Variants in CLEC16A observed in about 807,000 individuals in gnomAD.
CLEC16A encodes the protein C-type lectin domain containing 16A, also known as protein CLEC16A.
CLEC16A carries 51 observed loss-of-function variants against 109.5 expected under a neutral mutation model. The observed-to-expected ratio is 0.47, with a 90% CI of 0.37 to 0.59. The LOEUF (loss-of-function observed/expected upper bound fraction) is 0.59. Among genes scored for constraint, CLEC16A ranks in the 20% least tolerant of loss-of-function variants. The pLI is 0.00. For missense variants in CLEC16A, 1,339 were observed against 1,394.0 expected, an observed-to-expected ratio of 0.96 and a Z score of 0.63; for synonymous variants, 673 against 564.2, an observed-to-expected ratio of 1.19 and a Z score of -2.73.
At chr16:11,080,374 C>T (rs1018524077) in intron 19 of CLEC16A, among the ~76,000 whole-genome samples, 33 of 152,186 alleles carry the variant, frequency 2.2e-4, no homozygotes, top group Non-Finnish European at 3.5e-4. Flanking sequence ...TGCTTCTGGG[C>T]GTCCGAGCCT....
rs529799568 is a variant in CLEC16A, at chr16:11,047,123, A to C, written c.1816-169A>C. 4.6e-5 allele frequency among the ~76,000 whole-genome samples: 7 copies of C among 152,236 alleles called. No individual in the cohort carries two copies. The South Asian group carries it at 1.5e-3, about 32-fold the overall frequency. Reference sequence around the variant, plus strand: ...AATTTGATATTTGGTCTGTCATTTGAGCGTGTGTGTTTGTGTTCACGTGTG... The same window carrying C: ...AATTTGATATTTGGTCTGTCATTTGCGCGTGTGTGTTTGTGTTCACGTGTG... On this transcript the variant is annotated intron_variant, in intron 16 of 23. Coordinates refer to ENST00000409790, the MANE Select transcript of CLEC16A (RefSeq NM_015226.3).
At chr16:11,087,900 G>A (rs750533443) in intron 19 of CLEC16A, among the ~76,000 whole-genome samples, 11 of 152,220 alleles carry the variant, frequency 7.2e-5, no homozygotes, top group Non-Finnish European at 1.6e-4. Flanking sequence ...GGAAGTGTCT[G>A]AGAAGCTGGT....
intron 22 of CLEC16A, among the ~76,000 whole-genome samples, chr16:11,164,908 G>GT (rs906069122): frequency 2.0e-5 from 3 of 152,208 alleles, no homozygotes; most frequent in African/African-American, 7.2e-5. Flanking sequence ...GTTCAGGCAG[G>GT]GCAGGTGGCA....
At chr16:11,062,104 T>A (rs1258719152) in intron 19 of CLEC16A, among the ~76,000 whole-genome samples, 2 of 151,712 alleles carry the variant, frequency 1.3e-5, no homozygotes, top group African/African-American at 4.9e-5. Context: ...GACTCACTGA[T>A]TGTCTAAGCT....
intron 11 of CLEC16A, among the ~76,000 whole-genome samples, chr16:11,006,211 G>A (rs547409605): frequency 6.6e-6 from 1 of 152,174 alleles, no homozygotes; most frequent in South Asian, 2.1e-4. Context: ...GCCTGACTTG[G>A]GTCCTCTTCC....
intron 7 of CLEC16A, among the ~76,000 whole-genome samples, chr16:10,973,600 G>C (rs1392107565): frequency 6.6e-6 from 1 of 151,826 alleles, no homozygotes; most frequent in African/African-American, 2.4e-5. Context: ...ACAGAGTATT[G>C]CTCTGTCACC....
At chr16:11,006,523 T>C (rs2045024063) in intron 11 of CLEC16A, among the ~76,000 whole-genome samples, 1 of 152,186 alleles carries the variant, frequency 6.6e-6, no homozygotes, top group Non-Finnish European at 1.5e-5. Flanking sequence ...TATCGACAGA[T>C]GGACATGGTG....
intron 8 of CLEC16A, among the ~76,000 whole-genome samples, chr16:10,977,968 A>G (rs552574452): frequency 1.3e-5 from 2 of 152,298 alleles, no homozygotes; most frequent in South Asian, 4.1e-4. Flanking sequence ...AAACATCTAC[A>G]AATGTAGGGT....
intron 2 of CLEC16A, among the ~76,000 whole-genome samples, chr16:10,958,731 T>C (rs530179466): frequency 1.1e-4 from 17 of 152,178 alleles, no homozygotes; most frequent in African/African-American, 4.1e-4. Flanking sequence ...TACAGAGACC[T>C]CGTCTCTACG....
chr16:11,135,244 C>T (rs1403417819), intron 22 of CLEC16A, among the ~76,000 whole-genome samples: 1 of 152,176 alleles, frequency 6.6e-6, no homozygotes, highest in African/African-American at 2.4e-5. Flanking sequence ...TCCAAGGGGT[C>T]TCCTGTTTGC....
intron 19 of CLEC16A, among the ~76,000 whole-genome samples, chr16:11,098,700 C>G (rs989686484): frequency 2.0e-5 from 3 of 152,194 alleles, no homozygotes; most frequent in Non-Finnish European, 4.4e-5. Context: ...TTCGAGGAAC[C>G]CTGGATCTCT....
At chr16:11,090,589 G>C (rs937622622) in intron 19 of CLEC16A, among the ~76,000 whole-genome samples, 2 of 152,112 alleles carry the variant, frequency 1.3e-5, no homozygotes, top group Non-Finnish European at 2.9e-5. Context: ...TGGAGGTCCA[G>C]AGAATCTACA....
At chr16:11,075,073 C>G (rs765567497) in intron 19 of CLEC16A, among the ~76,000 whole-genome samples, 1 of 152,130 alleles carries the variant, frequency 6.6e-6, no homozygotes, top group African/African-American at 2.4e-5. Context: ...CCTGGGCAAT[C>G]GAGCAAGACC....
At chr16:11,122,224 C>T (rs1339273817) in intron 20 of CLEC16A, among the ~76,000 whole-genome samples, 1 of 152,228 alleles carries the variant, frequency 6.6e-6, no homozygotes, top group Non-Finnish European at 1.5e-5. Flanking sequence ...CTTCCCCAGC[C>T]TCCTCTTCTT....
chr16:10,951,411 T>G (rs2041725415), intron 1 of CLEC16A, among the ~76,000 whole-genome samples: 1 of 152,264 alleles, frequency 6.6e-6, no homozygotes, highest in Non-Finnish European at 1.5e-5. Flanking sequence ...TTTTTGTGTG[T>G]TAGGCATTCA....
intron 19 of CLEC16A, among the ~76,000 whole-genome samples, chr16:11,102,227 T>G (rs1345513577): frequency 2.0e-5 from 3 of 152,212 alleles, no homozygotes; most frequent in African/African-American, 7.2e-5. Flanking sequence ...GGTATTGTAT[T>G]ACACACAGCT....
At chr16:11,158,907 G>A (rs1050350057) in intron 22 of CLEC16A, among the ~76,000 whole-genome samples, 1 of 129,308 alleles carries the variant, frequency 7.7e-6, no homozygotes, top group South Asian at 2.8e-4. Flanking sequence ...GTGACAGAGC[G>A]AGACTCCAGC....
intron 21 of CLEC16A, among the ~76,000 whole-genome samples, 174 bp downstream of exon 21, chr16:11,124,120 G>C (rs1303044924): frequency 2.0e-5 from 3 of 152,224 alleles, no homozygotes; most frequent in African/African-American, 7.2e-5. Flanking sequence ...TTTGGTTTCT[G>C]GTGAGTTTCT....
Position 11,174,497 on chromosome 16 carries a change from G to A in CLEC16A, c.2807-3838G>A, listed in dbSNP as rs540254158. ...ACCAGATCCCCGGCCCTTGACCTTC[G>A]CGACAGTCCTTCACCTTCGCGACAG... is the stretch of plus-strand genomic sequence containing the variant. On this transcript the variant is annotated intron_variant, in intron 23 of 23. Transcript: ENST00000409790. This position sits in a 1 kb window ranked among gnomAD's most constrained non-coding sequence, Gnocchi z 4.7. 3.2e-4 allele frequency among the ~76,000 whole-genome samples: 48 copies of A among 152,226 alleles called. No individual in the cohort carries two copies. Among genetic ancestry groups the A allele is most frequent in the Non-Finnish European group, 5.0e-4 (34 of 68,016 alleles).
Sources: allele counts gnomAD v4.1 joint callset (sites outside exome capture counted in the v4.1 genomes callset), GRCh38; gene constraint gnomAD v4.1.1; non-coding constraint Gnocchi (gnomAD v3.1); transcripts MANE v1.5; gene names NCBI Gene and HGNC (gene_info 2026-07-23, HGNC 2026-07-21).